APLF: variants seen among roughly 807,000 people sequenced by gnomAD.
APLF encodes aprataxin and PNK-like factor.
In APLF, 61 loss-of-function variants were observed where a neutral mutation model predicts 55.6. That is an observed-to-expected ratio of 1.10 (90% CI 0.89 to 1.36). The LOEUF is 1.36. Ranked by LOEUF, APLF falls within the 40% of genes most tolerant of loss-of-function variation. The pLI is 0.00. For synonymous variants in APLF, 207 were observed against 214.8 expected, an observed-to-expected ratio of 0.96 and a Z score of 0.32; for missense variants, 611 against 602.5, an observed-to-expected ratio of 1.01 and a Z score of -0.15.
chr2:68,521,081 T>C (rs951014660), intron 5 of APLF, among the ~76,000 whole-genome samples: 3 of 151,890 alleles, frequency 2.0e-5, no homozygotes, highest in Non-Finnish European at 4.4e-5. Flanking sequence ...TTGTTTTGTT[T>C]GTTTGTTTTT....
intron 9 of APLF, among the ~76,000 whole-genome samples, chr2:68,575,091 A>G (rs1251603486): frequency 6.6e-6 from 1 of 152,192 alleles, no homozygotes; most frequent in African/African-American, 2.4e-5. Flanking sequence ...TAATTAGAAG[A>G]AAAATAAGCT....
Position 68,479,040 on chromosome 2 carries a change from C to G in APLF, c.97-11150C>G, listed in dbSNP as rs563947566. Among the ~76,000 whole-genome samples, 4 of 152,280 alleles carry G rather than the reference C, an allele frequency of 2.6e-5. No homozygotes were observed. The South Asian group carries it at 8.3e-4, about 32-fold the overall frequency. ...GACTGCCTTTTAGAATTCTTTTGAA[C>G]AATGCCTCTGGCCACCCAGAGCCCC... On this transcript the variant is annotated intron_variant, in intron 1 of 9. Coordinates refer to ENST00000303795, the MANE Select transcript of APLF (RefSeq NM_173545.3).
chr2:68,571,713 A>G (rs548345667), intron 9 of APLF, among the ~76,000 whole-genome samples: 1 of 152,284 alleles, frequency 6.6e-6, no homozygotes, highest in African/African-American at 2.4e-5. Flanking sequence ...GTATAGTTTG[A>G]AGTCAGGTAG....
At chr2:68,526,346 TGA>T (rs1670046175) in intron 6 of APLF, 104 bp downstream of exon 6, 4 of 1,437,418 alleles carry the variant, frequency 2.8e-6, no homozygotes, top group Non-Finnish European at 3.8e-6. Flanking sequence ...CTTTTATTGT[TGA>T]GTTTATGAAG....
intron 1 of APLF, among the ~76,000 whole-genome samples, chr2:68,485,048 A>C (rs1193960337): frequency 6.6e-6 from 1 of 152,036 alleles, no homozygotes; most frequent in African/African-American, 2.4e-5. Flanking sequence ...CAGTTCACTA[A>C]ATATGTCAAC....
intron 5 of APLF, chr2:68,515,829 G>T: frequency 1.3e-6 from 1 of 743,702 alleles, no homozygotes; most frequent in Non-Finnish European, 1.6e-6. Flanking sequence ...TAGTACTTTA[G>T]AACAGTTTAG....
chr2:68,533,683 G>A (rs1327271230), intron 6 of APLF, among the ~76,000 whole-genome samples: 7 of 152,154 alleles, frequency 4.6e-5, no homozygotes, highest in Non-Finnish European at 8.8e-5. Flanking sequence ...ATGGCTGGGG[G>A]CTGGCTGGGC....
intron 8 of APLF, among the ~76,000 whole-genome samples, chr2:68,564,091 C>A (rs754998710): frequency 5.3e-5 from 8 of 151,948 alleles, no homozygotes; most frequent in Non-Finnish European, 7.4e-5. Flanking sequence ...CCATTTTTAT[C>A]TTTCTCCGTT....
rs1175954813 is a variant in APLF, at chr2:68,545,198, T to C, written c.1172T>C (p.Val391Ala). 1 of 1,613,636 alleles carries C rather than the reference T, an allele frequency of 6.2e-7. No individual in the cohort carries two copies. Among genetic ancestry groups the C allele is most frequent in the South Asian group, 1.1e-5 (1 of 91,040 alleles). ...TGTCGCCCTCCTAGGAAGAATCCTG[T>C]TCATTTTCAACATTTTAGCCATCCT... ...YGANCYRKNP[V>A]HFQHFSHPGD... The change falls in exon 8 of 10, where the codon GTT (valine) becomes GCT (alanine). Residue 391 changes from valine (V) to alanine (A), a missense_variant. Physicochemically the swap from Val to Ala is moderately conservative, Grantham distance 64 (BLOSUM62 0). Coordinates refer to ENST00000303795, the MANE Select transcript of APLF (RefSeq NM_173545.3).
At chr2:68,513,778 T>G (rs1394382210) in intron 5 of APLF, 98 bp downstream of exon 5, 9 of 1,357,554 alleles carry the variant, frequency 6.6e-6, no homozygotes, top group South Asian at 1.4e-5. Context: ...TCTATAGAGA[T>G]AGAGTAGAGG....
At chr2:68,535,331 T>C (rs1458922562) in intron 6 of APLF, 1 of 437,262 alleles carries the variant, frequency 2.3e-6, no homozygotes, top group Non-Finnish European at 4.6e-6. Flanking sequence ...AAGTAAATAA[T>C]GAAAACCTCC....
At chr2:68,485,020 T>C (rs1676085120) in intron 1 of APLF, among the ~76,000 whole-genome samples, 1 of 152,066 alleles carries the variant, frequency 6.6e-6, no homozygotes, top group South Asian at 2.1e-4. Context: ...CAGTTGAAAG[T>C]ACATACATGC....
At chr2:68,509,721 T>C (rs1479332005) in intron 3 of APLF, among the ~76,000 whole-genome samples, 3 of 152,124 alleles carry the variant, frequency 2.0e-5, no homozygotes, top group East Asian at 1.9e-4. Flanking sequence ...TTACTGGGTA[T>C]ATACTCAAAG....
At chr2:68,520,713 C>G (rs1669873277) in intron 5 of APLF, among the ~76,000 whole-genome samples, 1 of 151,966 alleles carries the variant, frequency 6.6e-6, no homozygotes, top group Admixed American at 6.6e-5. Flanking sequence ...CTGGCCGTAG[C>G]CTTGTAGTAC....
intron 2 of APLF, among the ~76,000 whole-genome samples, chr2:68,494,299 A>G (rs914826429): frequency 1.3e-5 from 2 of 150,606 alleles, no homozygotes; most frequent in South Asian, 2.1e-4. Context: ...AAAAAAAAAA[A>G]AAAGAAAAGA....
chr2:68,512,273 G>A (rs1669405532), intron 3 of APLF, among the ~76,000 whole-genome samples: 1 of 151,586 alleles, frequency 6.6e-6, no homozygotes, highest in Non-Finnish European at 1.5e-5. Context: ...TTACCTTTCA[G>A]GATGTCATAT....
intron 1 of APLF, among the ~76,000 whole-genome samples, chr2:68,488,583 A>T (rs977976288): frequency 2.6e-5 from 4 of 151,894 alleles, no homozygotes; most frequent in Non-Finnish European, 2.9e-5. Context: ...GAGTCTTCCC[A>T]CTTCAGCCTC....
Position 68,578,735 on chromosome 2 carries a change from C to A in APLF, c.*713C>A. ...CTTTTTTTTCAAACTAAAGTCCTAG[C>A]TGATTATTTTAACTCTCAGTGTGCT... On this transcript the variant is annotated 3_prime_UTR_variant, in exon 10 of 10. Transcript: ENST00000303795. 4 of 984,894 alleles carry A rather than the reference C, an allele frequency of 4.1e-6. No homozygotes were observed. Among genetic ancestry groups the A allele is most frequent in the Non-Finnish European group, 4.8e-6 (4 of 829,674 alleles). The allele number at this position is 984,894 out of a possible 1,614,324, so 61.0% of individuals were successfully genotyped here. A position where few individuals can be genotyped will look rare whatever the true frequency, so the allele number is the denominator to read the frequency against.
rs147600622 is a variant in APLF, at chr2:68,544,535, A to C, written c.1161-652A>C. ...TATGTTAAGACATGTTATTATGATA[A>C]TATGTAAAGGGTTTATTATTGTTCT... is the stretch of plus-strand genomic sequence containing the variant. On this transcript the variant is annotated intron_variant, in intron 7 of 9. Transcript: ENST00000303795. Among the ~76,000 whole-genome samples the C allele has an allele frequency of 7.8e-3, 1,187 of 152,314 alleles. 15 individuals are homozygous for C. The highest frequency in any genetic ancestry group is 0.027 in the African/African-American group (1,133 of 41,576).
Sources: allele counts gnomAD v4.1 joint callset (sites outside exome capture counted in the v4.1 genomes callset), GRCh38; gene constraint gnomAD v4.1.1; transcripts MANE v1.5; gene names NCBI Gene and HGNC (gene_info 2026-07-23, HGNC 2026-07-21).